MICAL2: variants seen among roughly 807,000 people sequenced by gnomAD.
MICAL2 encodes [F-actin]-monooxygenase MICAL2.
A neutral mutation model predicts 127.3 loss-of-function variants in MICAL2; 77 were observed. The ratio of observed to expected loss-of-function variants is 0.60; its 90% confidence interval spans 0.50 to 0.73. The LOEUF (loss-of-function observed/expected upper bound fraction) is 0.73. Among genes scored for constraint, MICAL2 ranks in the 30% least tolerant of loss-of-function variants. MICAL2 has a pLI of 0.00. For synonymous variants in MICAL2, 570 were observed against 551.1 expected (o/e 1.03, Z -0.48); for missense variants, 1,351 against 1,434.4 (o/e 0.94, Z 0.94).
intron 32 of MICAL2, among the ~76,000 whole-genome samples, chr11:12,330,271 C>T (rs1015808314): frequency 1.3e-5 from 2 of 152,104 alleles, no homozygotes; most frequent in Admixed American, 6.5e-5. Flanking sequence ...GAATGACCAA[C>T]GCTTATTAGG....
intron 15 of MICAL2, among the ~76,000 whole-genome samples, chr11:12,229,642 A>T (rs1035115011): frequency 6.6e-6 from 1 of 152,250 alleles, no homozygotes; most frequent in Non-Finnish European, 1.5e-5. Flanking sequence ...ACAGAGTGAC[A>T]GAATTGAAAC....
chr11:12,252,029 CTG>C (rs1405672196), intron 22 of MICAL2, among the ~76,000 whole-genome samples: 2 of 152,208 alleles, frequency 1.3e-5, no homozygotes, highest in East Asian at 3.8e-4. Context: ...CGTTCACACA[CTG>C]TGCCAGTGGA....
chr11:12,345,769 T>G (rs889953366), intron 32 of MICAL2, among the ~76,000 whole-genome samples: 1 of 152,216 alleles, frequency 6.6e-6, no homozygotes, highest in Non-Finnish European at 1.5e-5. Context: ...AAAAGACTTC[T>G]GCAATCTCTG....
At chr11:12,150,411 A>T (rs985713789) in intron 2 of MICAL2, among the ~76,000 whole-genome samples, 6 of 151,808 alleles carry the variant, frequency 4.0e-5, no homozygotes. Flanking sequence ...TGGGCAACAG[A>T]GTGAGATCCT....
At chr11:12,276,376 C>T (rs556399829) in intron 1 of MICAL2, 78 of 387,776 alleles carry the variant, frequency 2.0e-4, no homozygotes, top group African/African-American at 1.4e-3. Flanking sequence ...TAGAACAGTG[C>T]CCACACGTCA....
At chr11:12,170,276 C>G (rs1286126622) in intron 3 of MICAL2, among the ~76,000 whole-genome samples, 1 of 151,966 alleles carries the variant, frequency 6.6e-6, no homozygotes, top group Non-Finnish European at 1.5e-5. Context: ...ATGGCAATAC[C>G]CCGTCTATAC....
At position 12,220,342 on chromosome 11, in the gene MICAL2, C is replaced by G. The variant is rs1412733618; in HGVS notation, c.1090C>G (p.Pro364Ala). Residue 364 changes from proline to alanine, a missense_variant, in exon 9 of 28, where the codon CCT becomes GCT. Physicochemically the swap from Pro to Ala is conservative, Grantham distance 27. This residue lies in a region of MICAL2 where 599 missense variants were observed against 714.9 expected (regional missense o/e 0.84). Coordinates refer to ENST00000683283, the MANE Select transcript of MICAL2 (RefSeq NM_001282663.2). ...LDFAMNHYGQ[P>A]DVAMFDFTCM... is the part of the protein sequence containing the mutation. ...CTTTGCCATGAACCACTATGGGCAG[C>G]CTGATGTGGCCATGTTTGACTTTAC... 6.2e-7 allele frequency: 1 copy of G among 1,614,222 alleles called. No individual in the cohort carries two copies. The highest frequency in any genetic ancestry group is 2.2e-5 in the East Asian group (1 of 44,880).
downstream of MICAL2, among the ~76,000 whole-genome samples, chr11:12,290,812 C>T (rs1863888409): frequency 6.6e-6 from 1 of 152,146 alleles, no homozygotes; most frequent in South Asian, 2.1e-4. Context: ...CACATGTTCG[C>T]ATTGATGTAT....
At chr11:12,271,546 C>T (rs1404818553), upstream of MICAL2, among the ~76,000 whole-genome samples, 1 of 152,174 alleles carries the variant, frequency 6.6e-6, no homozygotes, top group Non-Finnish European at 1.5e-5. Context: ...CTTTTCCACT[C>T]ATCCTGTGAG....
rs200644427 is a variant in MICAL2, at chr11:12,220,373, T to A, written c.1121T>A (p.Met374Lys). ...GTGGCCATGTTTGACTTTACCTGCA[T>A]GTATGCCTCAGAGAACGCGGCCCTG... Reference protein sequence around the residue: ...PDVAMFDFTCMYASENAALVR... With the variant: ...PDVAMFDFTCKYASENAALVR... The change falls in exon 9 of 28, where the codon ATG becomes AAG. Residue 374 changes from methionine to lysine, a missense_variant. By Grantham distance (95) the Met-to-Lys change is moderately conservative. This residue lies in a region of MICAL2 where 599 missense variants were observed against 714.9 expected (regional missense o/e 0.84). Transcript: ENST00000683283. The A allele has an allele frequency of 1.2e-6, 2 of 1,614,120 alleles. No individual in the cohort carries two copies. The highest frequency in any genetic ancestry group is 4.5e-5 in the East Asian group (2 of 44,894).
chr11:12,201,964 C>CA (rs757073069), intron 3 of MICAL2, among the ~76,000 whole-genome samples: 150 of 151,978 alleles, frequency 9.9e-4, no homozygotes, highest in Non-Finnish European at 1.8e-3. Context: ...ACTAAAAATA[C>CA]AAAAAAAATT....
At chr11:12,214,281 G>A (rs183672908) in intron 7 of MICAL2, among the ~76,000 whole-genome samples, 14 of 152,236 alleles carry the variant, frequency 9.2e-5, no homozygotes, top group African/African-American at 2.6e-4. Context: ...TAACAACAAT[G>A]TTAAATAAAA....
intron 1 of MICAL2, among the ~76,000 whole-genome samples, chr11:12,129,759 G>C (rs1354316807): frequency 6.6e-6 from 1 of 151,322 alleles, no homozygotes; most frequent in Non-Finnish European, 1.5e-5. Flanking sequence ...CCAGGCTGGA[G>C]AGCAGTGGTG....
intron 34 of MICAL2, among the ~76,000 whole-genome samples, chr11:12,355,377 A>C (rs1199623660): frequency 6.6e-6 from 1 of 152,204 alleles, no homozygotes; most frequent in African/African-American, 2.4e-5. Flanking sequence ...CACACATGAG[A>C]AAACGATTCC....
At chr11:12,283,696 A>C (rs1178771722) in intron 2 of MICAL2, among the ~76,000 whole-genome samples, 1 of 152,234 alleles carries the variant, frequency 6.6e-6, no homozygotes, top group Non-Finnish European at 1.5e-5. Flanking sequence ...AGACTTAAAA[A>C]TGTATAAGTA....
downstream of MICAL2, among the ~76,000 whole-genome samples, chr11:12,287,530 G>C (rs1047103617): frequency 1.3e-5 from 2 of 152,098 alleles, no homozygotes; most frequent in Admixed American, 6.5e-5. Flanking sequence ...GTACACTGGA[G>C]TGAGACTGGG....
intron 33 of MICAL2, among the ~76,000 whole-genome samples, chr11:12,354,472 CAAA>C (rs11296730): frequency 1.8e-4 from 24 of 133,774 alleles, no homozygotes; most frequent in Non-Finnish European, 2.6e-4. Flanking sequence ...ACTCTGTCTC[CAAA>C]AAAAAAAAAA....
chr11:12,309,333 C>G (rs1485995760), intron 29 of MICAL2, among the ~76,000 whole-genome samples: 1 of 151,800 alleles, frequency 6.6e-6, no homozygotes, highest in Non-Finnish European at 1.5e-5. Flanking sequence ...TTTAGCCTTC[C>G]CTCCCCACTT....
intron 34 of MICAL2, among the ~76,000 whole-genome samples, chr11:12,357,782 G>C (rs1313188743): frequency 1.3e-5 from 2 of 152,096 alleles, no homozygotes; most frequent in African/African-American, 4.8e-5. Context: ...AGGTTGCAGA[G>C]AGCCAAGATC....
Sources: allele counts gnomAD v4.1 joint callset (sites outside exome capture counted in the v4.1 genomes callset), GRCh38; gene constraint gnomAD v4.1.1; regional missense constraint gnomAD v4.1.1; transcripts MANE v1.5; gene names NCBI Gene and HGNC (gene_info 2026-07-23, HGNC 2026-07-21).